The following CCDC14 variants were observed in gnomAD, a reference collection of about 807,000 sequenced individuals.
The protein encoded by CCDC14 is coiled-coil domain-containing protein 14.
A neutral mutation model predicts 81.4 loss-of-function variants in CCDC14; 71 were observed. The ratio of observed to expected loss-of-function variants is 0.87; its 90% CI spans 0.72 to 1.06. The LOEUF (loss-of-function observed/expected upper bound fraction) is 1.06, where lower values mean the gene tolerates loss of function less well. Ranked by LOEUF, CCDC14 falls within the 50% of genes least tolerant of loss-of-function variation. CCDC14 has a pLI of 0.00. For missense variants in CCDC14, 1,046 were observed against 1,047.3 expected (o/e 1.00, Z 0.02); for synonymous variants, 332 against 364.8 (o/e 0.91, Z 1.03).
Position 123,948,961 on chromosome 3 carries a change from T to G in CCDC14, c.524A>C (p.Asp175Ala). 6.2e-7 allele frequency: 1 copy of G among 1,613,992 alleles called. No homozygotes were observed. The highest frequency in any genetic ancestry group is 8.5e-7 in the Non-Finnish European group (1 of 1,179,884). Residue 175 changes from aspartate (D) to alanine (A), a missense_variant, in exon 6 of 13, where the codon GAC (aspartate) becomes GCC (alanine). Transcript: ENST00000409697. ...ATTAGGGATGTTCTTTGAAGTCAAG[T>G]CATTCATCAGTGACATCTGAGTCTG... ...HVQTQMSLMN[D>A]LTSKNIPNGI...
intron 12 of CCDC14, among the ~76,000 whole-genome samples, chr3:123,917,355 C>G (rs907767115): frequency 1.2e-4 from 18 of 151,320 alleles, no homozygotes; most frequent in African/African-American, 4.4e-4. Flanking sequence ...ATTAGCTGGG[C>G]ATGGTGATGT....
intron 9 of CCDC14, among the ~76,000 whole-genome samples, chr3:123,944,133 C>T (rs1243834178): frequency 2.0e-5 from 3 of 152,144 alleles, no homozygotes; most frequent in African/African-American, 7.2e-5. Context: ...TGGAGGACAC[C>T]CAACTGGTGT....
chr3:123,921,953 A>C (rs1461204543), intron 12 of CCDC14, among the ~76,000 whole-genome samples: 2 of 152,192 alleles, frequency 1.3e-5, no homozygotes, highest in Non-Finnish European at 2.9e-5. Flanking sequence ...TGCACACAGA[A>C]CATTCTTCAG....
chr3:123,927,249 T>TAAAA (rs34679177), intron 12 of CCDC14, among the ~76,000 whole-genome samples: 2 of 124,308 alleles, frequency 1.6e-5, no homozygotes, highest in African/African-American at 6.5e-5. Flanking sequence ...CTACTAAAAG[T>TAAAA]AAAAAAAAAA....
chr3:123,897,595 G>T lies in CCDC14; in HGVS notation c.687C>A (p.Asp229Glu), dbSNP rs995472546. 3.3e-6 allele frequency: 4 copies of T among 1,200,876 alleles called. No homozygotes were observed. In the African/African-American group the frequency reaches 6.3e-5, roughly 19 times the overall value. The allele number at this position is 1,200,876 out of a possible 1,614,324, so 74.4% of individuals were successfully genotyped here. ...GTGTAAGACTTTGCAGAACATTTAA[G>T]TCCACAGTTTTAAAAAGTCTGAAAG... Residue 229 changes from aspartate to glutamate, a missense_variant, in exon 6 of 6, where the codon GAC (aspartate) becomes GAA (glutamate). By Grantham distance (45) the Asp-to-Glu change is conservative (BLOSUM62 2). Coordinates refer to the CCDC14 transcript ENST00000479903.
chr3:123,959,079 T>C (rs1038548492), intron 1 of CCDC14, among the ~76,000 whole-genome samples: 1 of 152,236 alleles, frequency 6.6e-6, no homozygotes, highest in East Asian at 1.9e-4. Flanking sequence ...CATTTGGCTA[T>C]TGTGAATAGT....
chr3:123,931,476 A>G lies in CCDC14; in HGVS notation c.1477T>C (p.Ser493Pro), dbSNP rs958003387. The change falls in exon 11 of 13, where the codon TCA becomes CCA. Residue 493 changes from serine to proline, a missense_variant. Physicochemically the swap from Ser to Pro is moderately conservative, Grantham distance 74. Transcript: ENST00000409697. ...TGCAGTAATTCCTGGCTCTTTAGTG[A>G]CTCCTCCAATTGATTTTGCAGTGAC... ...NMSLQNQLEE[S>P]LKSQELLQSK... is the part of the protein sequence containing the mutation. 6.3e-7 allele frequency: 1 copy of G among 1,576,568 alleles called. No homozygotes were observed. Among genetic ancestry groups the G allele is most frequent in the Non-Finnish European group, 8.6e-7 (1 of 1,159,192 alleles).
intron 12 of CCDC14, among the ~76,000 whole-genome samples, chr3:123,923,731 A>AT (rs1491153294): frequency 4.6e-5 from 7 of 151,004 alleles, no homozygotes; most frequent in African/African-American, 1.7e-4. Flanking sequence ...AGTATTTACT[A>AT]AATATATACA....
At chr3:123,960,306 C>T (rs994608199) in intron 1 of CCDC14, among the ~76,000 whole-genome samples, 3 of 152,142 alleles carry the variant, frequency 2.0e-5, no homozygotes, top group African/African-American at 7.2e-5. Flanking sequence ...TTAATCCATA[C>T]CCTGTGAGTT....
At chr3:123,940,239 T>C (rs2036278740) in intron 9 of CCDC14, among the ~76,000 whole-genome samples, 1 of 151,766 alleles carries the variant, frequency 6.6e-6, no homozygotes, top group African/African-American at 2.4e-5. Flanking sequence ...TTTGTCTGTT[T>C]ATTAATGATT....
chr3:123,951,449 C>A (rs1345816456), intron 5 of CCDC14, among the ~76,000 whole-genome samples: 2 of 152,166 alleles, frequency 1.3e-5, no homozygotes, highest in East Asian at 1.9e-4. Flanking sequence ...TTTTGTAAAG[C>A]AAATACTATT....
At chr3:123,915,795 TA>T (rs34565051) in intron 12 of CCDC14, 77 bp from the exon 13 acceptor site, 5 of 1,113,960 alleles carry the variant, frequency 4.5e-6, no homozygotes, top group Non-Finnish European at 5.1e-6. Context: ...CCTCCATCTT[TA>T]AAAAAAGGAT....
intron 2 of CCDC14, 58 bp from the exon 3 acceptor site, chr3:123,956,485 G>A: frequency 8.2e-7 from 1 of 1,219,188 alleles, no homozygotes; most frequent in Non-Finnish European, 1.2e-6. Flanking sequence ...ATATTAGTAA[G>A]TAGTCATTTT....
chr3:123,953,469 T>C (rs1298213089), intron 5 of CCDC14: 3 of 152,224 alleles, frequency 2.0e-5, no homozygotes, highest in Non-Finnish European at 4.4e-5. Context: ...ACCAACACAA[T>C]ATGCTGATGC....
chr3:123,918,416 AAG>A (rs1358055641), intron 12 of CCDC14, among the ~76,000 whole-genome samples: 19 of 152,200 alleles, frequency 1.2e-4, no homozygotes, highest in African/African-American at 4.6e-4. Flanking sequence ...ATGGTGGAAT[AAG>A]AGTTTCCTGG....
chr3:123,953,794 A>G (rs1329598233), intron 5 of CCDC14: 2 of 150,702 alleles, frequency 1.3e-5, no homozygotes, highest in Admixed American at 1.3e-4. Context: ...TATAAACAGT[A>G]TCTCTTTCTA....
intron 5 of CCDC14, chr3:123,953,294 A>T (rs2037134932): frequency 6.6e-6 from 1 of 152,252 alleles, no homozygotes; most frequent in African/African-American, 2.4e-5. Flanking sequence ...TTGAAGGATG[A>T]GGTAATGTTT....
chr3:123,951,711 C>T (rs1348336883), intron 5 of CCDC14, among the ~76,000 whole-genome samples: 1 of 152,150 alleles, frequency 6.6e-6, no homozygotes, highest in Admixed American at 6.5e-5. Context: ...CATTTACTTT[C>T]TTTTCAAGGC....
At chr3:123,939,616 C>T (rs2036245793) in intron 9 of CCDC14, among the ~76,000 whole-genome samples, 1 of 151,262 alleles carries the variant, frequency 6.6e-6, no homozygotes, top group Non-Finnish European at 1.5e-5. Flanking sequence ...TTTTCTTTTT[C>T]ATATGTATTA....
Sources: allele counts gnomAD v4.1 joint callset (sites outside exome capture counted in the v4.1 genomes callset), GRCh38; gene constraint gnomAD v4.1.1; transcripts MANE v1.5; gene names NCBI Gene and HGNC (gene_info 2026-07-23, HGNC 2026-07-21).